FHIT: variants seen among roughly 807,000 people sequenced by gnomAD.
FHIT encodes fragile histidine triad diadenosine triphosphatase.
FHIT carries 19 observed loss-of-function variants against 17.9 expected under a neutral mutation model. The observed-to-expected ratio is 1.06, with a 90% CI of 0.74 to 1.56. The LOEUF is 1.56. FHIT is among the 40% of genes most tolerant of loss of function. The pLI is 0.00. For missense variants in FHIT, 248 were observed against 189.2 expected (o/e 1.31, Z -1.82); for synonymous variants, 81 against 69.7 (o/e 1.16, Z -0.81).
At chr3:61,023,399 G>A (rs2032561832) in intron 3 of FHIT, among the ~76,000 whole-genome samples, 4 of 152,116 alleles carry the variant, frequency 2.6e-5, no homozygotes, top group Admixed American at 1.3e-4. Context: ...AATCAATATT[G>A]TGAAAATGGC....
chr3:59,976,908 T>C (rs1177505324), intron 7 of FHIT, among the ~76,000 whole-genome samples: 2 of 152,038 alleles, frequency 1.3e-5, no homozygotes, highest in Admixed American at 6.6e-5. Flanking sequence ...TCCAAGGTTA[T>C]TTTGGAACTA....
intron 8 of FHIT, among the ~76,000 whole-genome samples, chr3:59,883,138 T>C (rs1428148822): frequency 6.6e-6 from 1 of 152,168 alleles, no homozygotes; most frequent in Non-Finnish European, 1.5e-5. Flanking sequence ...AGCTGGTAGC[T>C]TAAAAAGCCA....
At chr3:60,882,966 A>G (rs2107135157) in intron 3 of FHIT, among the ~76,000 whole-genome samples, 1 of 152,202 alleles carries the variant, frequency 6.6e-6, no homozygotes, top group Middle Eastern at 3.4e-3. Flanking sequence ...ACAGAAACCC[A>G]TATAAGCTGT....
At chr3:59,967,467 G>A (rs551017542) in intron 7 of FHIT, among the ~76,000 whole-genome samples, 71 of 152,266 alleles carry the variant, frequency 4.7e-4, no homozygotes, top group Non-Finnish European at 6.6e-4. Context: ...AGACAGCTAC[G>A]ACATTGCAAG....
chr3:60,171,597 G>A (rs1701417788), intron 5 of FHIT, among the ~76,000 whole-genome samples: 1 of 152,150 alleles, frequency 6.6e-6, no homozygotes, highest in Non-Finnish European at 1.5e-5. Context: ...TCACGATGTA[G>A]TATTTGGTGG....
intron 8 of FHIT, among the ~76,000 whole-genome samples, chr3:59,889,900 A>G (rs1263385742): frequency 6.6e-6 from 1 of 152,184 alleles, no homozygotes; most frequent in Non-Finnish European, 1.5e-5. Context: ...TCTTTTGCGA[A>G]TGATATTGTA....
At chr3:60,445,249 T>G (rs1362403620) in intron 5 of FHIT, among the ~76,000 whole-genome samples, 2 of 152,130 alleles carry the variant, frequency 1.3e-5, no homozygotes, top group African/African-American at 4.8e-5. Flanking sequence ...AACTCACAGA[T>G]GATGCCAAAT....
At chr3:60,176,766 A>C (rs1474000981) in intron 5 of FHIT, among the ~76,000 whole-genome samples, 1 of 152,194 alleles carries the variant, frequency 6.6e-6, no homozygotes, top group African/African-American at 2.4e-5. Context: ...ACGAGGAGGA[A>C]GCTGGTTTAA....
chr3:60,018,250 A>AAT (rs1203760833), intron 5 of FHIT, among the ~76,000 whole-genome samples: 1 of 152,184 alleles, frequency 6.6e-6, no homozygotes, highest in Non-Finnish European at 1.5e-5. Context: ...TCTGGGAACT[A>AAT]ATAGAGCAGT....
Position 60,557,437 on chromosome 3 carries a change from A to T in FHIT, c.-17-20458T>A, listed in dbSNP as rs77812729. On this transcript the variant is annotated intron_variant, in intron 4 of 9. Coordinates refer to ENST00000492590, the MANE Select transcript of FHIT (RefSeq NM_002012.4). ...AAATAGACATGATGTCAAGAAAGGAATTAATTTTCAAGTGCACAATCACTG... is the reference window on the plus strand; with the variant it reads ...AAATAGACATGATGTCAAGAAAGGATTTAATTTTCAAGTGCACAATCACTG... Among the ~76,000 whole-genome samples the T allele has an allele frequency of 1.8e-3, 269 of 152,272 alleles. 8 individuals are homozygous for T. The East Asian group carries it at 0.048, about 27-fold the overall frequency.
intron 2 of FHIT, among the ~76,000 whole-genome samples, chr3:61,091,936 TAA>T (rs58005720): frequency 0.25 from 14,944 of 60,036 alleles, 1,240 homozygotes; most frequent in African/African-American, 0.41. Context: ...AGACCTTGTC[TAA>T]AAAAAAAAAA....
chr3:61,204,430 T>C (rs532701587), intron 1 of FHIT, among the ~76,000 whole-genome samples: 5 of 151,828 alleles, frequency 3.3e-5, no homozygotes, highest in Non-Finnish European at 7.4e-5. Context: ...CATACAAGAG[T>C]AACCACCAAA....
intron 2 of FHIT, among the ~76,000 whole-genome samples, chr3:61,191,947 C>T (rs2038729826): frequency 1.3e-5 from 2 of 152,172 alleles, no homozygotes; most frequent in Admixed American, 1.3e-4. Context: ...GAGCATGGGA[C>T]TGCAATCAAC....
intron 4 of FHIT, among the ~76,000 whole-genome samples, chr3:60,694,433 T>C (rs189361320): frequency 9.9e-5 from 15 of 152,260 alleles, no homozygotes; most frequent in African/African-American, 3.6e-4. Context: ...GGAGAGGATG[T>C]GGAGAAATAG....
chr3:59,850,451 A>G (rs1197733166), intron 8 of FHIT, among the ~76,000 whole-genome samples: 12 of 152,144 alleles, frequency 7.9e-5, no homozygotes, highest in Non-Finnish European at 1.6e-4. Context: ...GACTCAGGGT[A>G]ACCCTGAAAA....
At chr3:60,140,050 G>A (rs1576186374) in intron 5 of FHIT, among the ~76,000 whole-genome samples, 1 of 151,966 alleles carries the variant, frequency 6.6e-6, no homozygotes, top group East Asian at 1.9e-4. Context: ...AAACCTGAGA[G>A]ACAGAGTTTG....
intron 2 of FHIT, among the ~76,000 whole-genome samples, chr3:61,135,496 T>C (rs1004160137): frequency 2.0e-5 from 3 of 151,686 alleles, no homozygotes; most frequent in Non-Finnish European, 4.4e-5. Flanking sequence ...GCTTAGAGAG[T>C]TTTTAAAGCT....
intron 5 of FHIT, among the ~76,000 whole-genome samples, chr3:60,374,492 T>C (rs1436560536): frequency 6.6e-6 from 1 of 151,464 alleles, no homozygotes; most frequent in Non-Finnish European, 1.5e-5. Context: ...CACGTTAATG[T>C]GAATTATAAC....
chr3:59,805,153 G>A lies in FHIT; in HGVS notation c.349-52832C>T, dbSNP rs567584637. Among the ~76,000 whole-genome samples the A allele has an allele frequency of 4.0e-4, 61 of 152,246 alleles. 2 individuals carry two copies. The South Asian group carries it at 0.013, about 32-fold the overall frequency. On this transcript the variant is annotated intron_variant, in intron 8 of 9. Transcript: ENST00000492590. ...AACTCAAAGTGTCCCTTTCCGGCGT[G>A]TCCTGCTCTGTGGGCACTTACTCCT...
Sources: gnomAD v4.1 joint callset for allele counts (sites outside exome capture counted in the v4.1 genomes callset) on GRCh38, gnomAD v4.1.1 for gene constraint, MANE v1.5 for transcripts, NCBI Gene and HGNC (gene_info 2026-07-23, HGNC 2026-07-21) for gene names.